The following RBFOX3 variants were observed in gnomAD, a reference collection of about 807,000 sequenced individuals.
The protein encoded by RBFOX3 is RNA binding fox-1 homolog 3, also known as RNA binding protein fox-1 homolog 3.
A neutral mutation model predicts 48.7 loss-of-function variants in RBFOX3; 17 were observed. The ratio of observed to expected loss-of-function variants is 0.35; its 90% CI spans 0.24 to 0.52. The LOEUF (loss-of-function observed/expected upper bound fraction) is 0.52. Among genes scored for constraint, RBFOX3 ranks in the 20% least tolerant of loss-of-function variants. The probability of loss-of-function intolerance (pLI) is 0.94; values close to 1 mark genes in which losing one functional copy is unlikely to be tolerated. For synonymous variants in RBFOX3, 212 were observed against 209.5 expected (o/e 1.01, Z -0.10); for missense variants, 382 against 497.5 (o/e 0.77, Z 2.21).
chr17:79,141,792 GAC>G (rs2041969018), intron 4 of RBFOX3, among the ~76,000 whole-genome samples: 1 of 152,112 alleles, frequency 6.6e-6, no homozygotes, highest in African/African-American at 2.4e-5. Flanking sequence ...GTGAGCGGAC[GAC>G]ACAGTGCCCC....
At chr17:79,547,690 A>G (rs1555792348) in intron 1 of RBFOX3, among the ~76,000 whole-genome samples, 1 of 152,194 alleles carries the variant, frequency 6.6e-6, no homozygotes, top group South Asian at 2.1e-4. Flanking sequence ...TACCACACCC[A>G]GTCCAGGGGC....
At chr17:79,489,321 G>T (rs1598911335) in intron 1 of RBFOX3, among the ~76,000 whole-genome samples, 1 of 151,442 alleles carries the variant, frequency 6.6e-6, no homozygotes, top group Admixed American at 6.6e-5. Flanking sequence ...TTGAGACAGG[G>T]TCTCACTCTG....
chr17:79,377,645 C>T (rs1055379988), intron 2 of RBFOX3, among the ~76,000 whole-genome samples: 3 of 152,174 alleles, frequency 2.0e-5, no homozygotes, highest in South Asian at 2.1e-4. Flanking sequence ...ATTGTGTCCA[C>T]GGGGGAGGGG....
chr17:79,494,088 T>G (rs1016192949), intron 1 of RBFOX3, among the ~76,000 whole-genome samples: 1 of 152,140 alleles, frequency 6.6e-6, no homozygotes, highest in African/African-American at 2.4e-5. Flanking sequence ...CTGGGCAACA[T>G]AGCAAGACCC....
intron 2 of RBFOX3, among the ~76,000 whole-genome samples, chr17:79,457,711 G>T (rs884022): frequency 0.34 from 51,883 of 152,120 alleles, 9,582 homozygotes; most frequent in Admixed American, 0.43. Context: ...GGCTGTCCCC[G>T]CGATGTCCCT....
intron 2 of RBFOX3, among the ~76,000 whole-genome samples, chr17:79,468,936 G>A (rs1313987540): frequency 8.6e-6 from 1 of 116,272 alleles, no homozygotes; most frequent in Non-Finnish European, 1.9e-5. Context: ...ATAGAGACGG[G>A]AGGATGGATG....
intron 1 of RBFOX3, among the ~76,000 whole-genome samples, chr17:79,508,287 G>A (rs1013783468): frequency 2.0e-5 from 3 of 152,110 alleles, no homozygotes; most frequent in South Asian, 2.1e-4. Flanking sequence ...GGGGCCTTCC[G>A]GAGGGAGGCT....
chr17:79,588,971 G>C (rs1176794334), intron 1 of RBFOX3, among the ~76,000 whole-genome samples: 1 of 150,110 alleles, frequency 6.7e-6, no homozygotes, highest in East Asian at 2.0e-4. Flanking sequence ...CTTGGACCTG[G>C]GCCATATAGT....
chr17:79,587,080 C>T (rs1274128913), intron 1 of RBFOX3, among the ~76,000 whole-genome samples: 1 of 152,170 alleles, frequency 6.6e-6, no homozygotes, highest in Non-Finnish European at 1.5e-5. Flanking sequence ...ACTGGCCGGT[C>T]CCAAGAAGTC....
At chr17:79,163,493 T>A (rs1366966823) in intron 4 of RBFOX3, among the ~76,000 whole-genome samples, 5 of 152,206 alleles carry the variant, frequency 3.3e-5, no homozygotes, top group Admixed American at 3.3e-4. Flanking sequence ...TTTGCAGAGA[T>A]CCTGTCATTC....
At chr17:79,589,789 G>A (rs1405596790) in intron 1 of RBFOX3, among the ~76,000 whole-genome samples, 3 of 152,142 alleles carry the variant, frequency 2.0e-5, no homozygotes, top group African/African-American at 7.2e-5. Flanking sequence ...CCCACCATGG[G>A]GGGTCTGTCC....
intron 1 of RBFOX3, among the ~76,000 whole-genome samples, chr17:79,604,127 T>C (rs2093773692): frequency 6.6e-6 from 1 of 152,220 alleles, no homozygotes; most frequent in South Asian, 2.1e-4. Flanking sequence ...CAAAGGGTGA[T>C]TCTTGTAAGA....
At chr17:79,191,655 G>A (rs1049703491) in intron 4 of RBFOX3, among the ~76,000 whole-genome samples, 1 of 152,204 alleles carries the variant, frequency 6.6e-6, no homozygotes, top group Non-Finnish European at 1.5e-5. Flanking sequence ...GGGAGGTAGG[G>A]GTGCAAGGTC....
intron 2 of RBFOX3, among the ~76,000 whole-genome samples, chr17:79,461,260 A>C (rs1555748623): frequency 6.6e-6 from 1 of 152,234 alleles, no homozygotes; most frequent in African/African-American, 2.4e-5. Context: ...GGAATGAATA[A>C]AAGATGGTGA....
In RBFOX3 at chr17:79,364,689, C is replaced by T. The variant is rs1020124346; in HGVS notation, c.-174-56865G>A. Among the ~76,000 whole-genome samples the T allele has an allele frequency of 1.3e-5, 2 of 152,176 alleles. No homozygotes were observed. The highest frequency in any genetic ancestry group is 2.9e-5 in the Non-Finnish European group (2 of 68,036). On this transcript the variant is annotated intron_variant, in intron 2 of 14. Transcript: ENST00000693108. The surrounding 1 kb of genome is among the most constrained non-coding windows in gnomAD (Gnocchi z 5.1). The stretch of plus-strand genomic sequence containing the variant: ...GTTTGCTTTCTGGTGGGGAAGCACG[C>T]TCTCCACTGATGGGGGACACCATAT...
rs1016337725 is a variant in RBFOX3 at position 79,198,399 on chromosome 17, G to C, written c.-34+37367C>G. Among the ~76,000 whole-genome samples the C allele has an allele frequency of 6.6e-6, 1 of 152,208 alleles. No individual in the cohort carries two copies. On this transcript the variant is annotated intron_variant, in intron 4 of 14. Coordinates refer to ENST00000693108, the MANE Select transcript of RBFOX3 (RefSeq NM_001350451.2). The surrounding 1 kb of genome is among the most constrained non-coding windows in gnomAD (Gnocchi z 8.2). ...CAGCTCTCACGGGACTCAGTGCTAA[G>C]GTGACAGTGGAACGCTGGCATCTGT...
Position 79,135,798 on chromosome 17 carries a change from C to T in RBFOX3, c.-33-20050G>A, listed in dbSNP as rs1005125290. Among the ~76,000 whole-genome samples the T allele has an allele frequency of 2.6e-5, 4 of 152,210 alleles. No homozygotes were observed. The East Asian group carries it at 7.7e-4, about 29-fold the overall frequency. Reference sequence around the variant, plus strand: ...CTGTGGCTAAGACAGCAGCCAAGGACTCAGAGATAGATGCTTCAGGCTGGG... The same window carrying T: ...CTGTGGCTAAGACAGCAGCCAAGGATTCAGAGATAGATGCTTCAGGCTGGG... On this transcript the variant is annotated intron_variant, in intron 4 of 14. Coordinates refer to ENST00000693108, the MANE Select transcript of RBFOX3 (RefSeq NM_001350451.2).
At chr17:79,598,123 T>C (rs2093611587) in intron 1 of RBFOX3, 1 of 152,264 alleles carries the variant, frequency 6.6e-6, no homozygotes, top group Non-Finnish European at 1.5e-5. Context: ...GCTGCAGAAA[T>C]CTGCCTTCCA....
At chr17:79,115,455 A>G in intron 5 of RBFOX3, 39 bp downstream of exon 5, 1 of 1,243,584 alleles carries the variant, frequency 8.0e-7, no homozygotes, top group Non-Finnish European at 1.0e-6. Context: ...CTCCTCCCTG[A>G]AGCTCCAGGG....
Sources: gnomAD v4.1 joint callset for allele counts (sites outside exome capture counted in the v4.1 genomes callset) on GRCh38, gnomAD v4.1.1 for gene constraint, Gnocchi (gnomAD v3.1) non-coding constraint, MANE v1.5 for transcripts, NCBI Gene and HGNC (gene_info 2026-07-23, HGNC 2026-07-21) for gene names.